RGS7: variants seen among roughly 807,000 people sequenced by gnomAD.
RGS7 encodes regulator of G protein signaling 7.
In RGS7, 27 loss-of-function variants were observed where a neutral mutation model predicts 81.1. That is an observed-to-expected ratio of 0.33 (90% CI 0.25 to 0.46). The LOEUF (loss-of-function observed/expected upper bound fraction) is 0.46. Ranked by LOEUF, RGS7 falls within the 20% of genes least tolerant of loss-of-function variation. The pLI is 1.00. For missense variants in RGS7, 396 were observed against 607.4 expected, an observed-to-expected ratio of 0.65 and a Z score of 3.66; for synonymous variants, 208 against 207.7, an observed-to-expected ratio of 1.00 and a Z score of -0.01.
chr1:240,909,127 C>T (rs1671314847), intron 6 of RGS7, among the ~76,000 whole-genome samples: 1 of 152,120 alleles, frequency 6.6e-6, no homozygotes, highest in East Asian at 1.9e-4. Context: ...TTTATTACTG[C>T]TCCTCAGTGT....
chr1:240,999,205 G>T, intron 3 of RGS7, among the ~76,000 whole-genome samples: 1 of 151,436 alleles, frequency 6.6e-6, no homozygotes, highest in African/African-American at 2.4e-5. Flanking sequence ...TATTTCCTGA[G>T]GCCTTCTAGT....
At chr1:241,253,935 GA>G (rs1266145905) in intron 2 of RGS7, among the ~76,000 whole-genome samples, 8 of 152,176 alleles carry the variant, frequency 5.3e-5, no homozygotes, top group African/African-American at 1.9e-4. Flanking sequence ...AGAAATTGAG[GA>G]GGAGAGCAGT....
At chr1:241,051,018 G>A (rs149184820) in intron 3 of RGS7, among the ~76,000 whole-genome samples, 8 of 152,194 alleles carry the variant, frequency 5.3e-5, no homozygotes, top group Non-Finnish European at 8.8e-5. Context: ...TTGTTCAAAG[G>A]TCAACTGTAA....
chr1:241,252,878 C>G (rs186752415), intron 2 of RGS7, among the ~76,000 whole-genome samples: 1 of 152,186 alleles, frequency 6.6e-6, no homozygotes, highest in Non-Finnish European at 1.5e-5. Context: ...CCCCAAAGCA[C>G]ACTGCCCCCC....
chr1:241,058,972 G>A (rs914076007), intron 3 of RGS7, among the ~76,000 whole-genome samples: 5 of 152,122 alleles, frequency 3.3e-5, no homozygotes, highest in Admixed American at 2.0e-4. Context: ...CTGAATCTCT[G>A]CTTGCCAAAG....
At position 241,354,464 on chromosome 1, in the gene RGS7, T is replaced by C. The variant is rs555983116; in HGVS notation, c.78+1235A>G. Among the ~76,000 whole-genome samples the C allele has an allele frequency of 3.9e-5, 6 of 152,350 alleles. No individual in the cohort carries two copies. The East Asian group carries it at 7.7e-4, about 20-fold the overall frequency. ...TAAATGCATTCATAGGTACACAGTATAGTACTGTTCGCCCAGGCTAGAGAA... is the reference window on the plus strand; with the variant it reads ...TAAATGCATTCATAGGTACACAGTACAGTACTGTTCGCCCAGGCTAGAGAA... On this transcript the variant is annotated intron_variant, in intron 2 of 18. Transcript: ENST00000440928.
chr1:241,032,348 A>G (rs958984119), intron 3 of RGS7, among the ~76,000 whole-genome samples: 1 of 152,166 alleles, frequency 6.6e-6, no homozygotes, highest in Non-Finnish European at 1.5e-5. Context: ...CTATTTTTAT[A>G]CCAGTACCGT....
At chr1:241,117,566 C>G (rs1253330922) in intron 2 of RGS7, among the ~76,000 whole-genome samples, 1 of 152,118 alleles carries the variant, frequency 6.6e-6, no homozygotes, top group Non-Finnish European at 1.5e-5. Flanking sequence ...GAGTGCAAAT[C>G]AGATAAACTG....
At chr1:241,035,160 A>C (rs1248500747) in intron 3 of RGS7, among the ~76,000 whole-genome samples, 1 of 152,164 alleles carries the variant, frequency 6.6e-6, no homozygotes, top group African/African-American at 2.4e-5. Context: ...CTAGAATAGC[A>C]ACATTAAGGG....
intron 3 of RGS7, among the ~76,000 whole-genome samples, chr1:241,083,801 T>C (rs1355924708): frequency 6.6e-6 from 1 of 152,234 alleles, no homozygotes; most frequent in Non-Finnish European, 1.5e-5. Flanking sequence ...TCTGACACAA[T>C]GTTTTATAAC....
chr1:240,990,531 T>C (rs910096260), intron 3 of RGS7, among the ~76,000 whole-genome samples: 1 of 152,220 alleles, frequency 6.6e-6, no homozygotes, highest in Admixed American at 6.5e-5. Context: ...TGATTTTGTG[T>C]TTTTATGAGT....
chr1:240,918,868 T>A (rs1200792390), intron 6 of RGS7, among the ~76,000 whole-genome samples: 1 of 151,810 alleles, frequency 6.6e-6, no homozygotes, highest in Non-Finnish European at 1.5e-5. Context: ...AGACACCAAT[T>A]ACTGGTATAA....
At chr1:241,064,863 C>T (rs1195770215) in intron 3 of RGS7, among the ~76,000 whole-genome samples, 2 of 152,144 alleles carry the variant, frequency 1.3e-5, no homozygotes. Context: ...GGCACACATT[C>T]TCTCCAATAG....
chr1:241,073,940 GC>G (rs2062641471), intron 3 of RGS7, among the ~76,000 whole-genome samples: 1 of 143,712 alleles, frequency 7.0e-6, no homozygotes, highest in Non-Finnish European at 1.5e-5. Context: ...TTGCTTTGTT[GC>G]CCAGGCTGGA....
intron 6 of RGS7, among the ~76,000 whole-genome samples, chr1:240,917,487 T>C (rs1249874238): frequency 5.3e-5 from 8 of 152,146 alleles, no homozygotes; most frequent in Admixed American, 5.2e-4. Context: ...AAGGAGAAAG[T>C]AGGAATACTC....
chr1:240,924,397 A>G (rs1674079754), intron 6 of RGS7, among the ~76,000 whole-genome samples: 1 of 152,162 alleles, frequency 6.6e-6, no homozygotes, highest in Non-Finnish European at 1.5e-5. Context: ...TGGAGAAAAG[A>G]CAGGCCTTCC....
intron 3 of RGS7, among the ~76,000 whole-genome samples, chr1:241,027,482 T>G (rs2059851327): frequency 6.6e-6 from 1 of 152,048 alleles, no homozygotes; most frequent in African/African-American, 2.4e-5. Context: ...GAGAATGGCT[T>G]GAGGAAGAAG....
intron 2 of RGS7, among the ~76,000 whole-genome samples, chr1:241,116,400 A>G (rs1422325711): frequency 1.3e-5 from 2 of 152,178 alleles, no homozygotes; most frequent in African/African-American, 2.4e-5. Context: ...GGTACCGTAT[A>G]TAGGTTTTTC....
intron 2 of RGS7, among the ~76,000 whole-genome samples, chr1:241,245,733 G>A (rs962779717): frequency 1.3e-5 from 2 of 151,922 alleles, no homozygotes; most frequent in African/African-American, 2.4e-5. Context: ...CTTGAATCTG[G>A]GAGGCAGAGG....
Sources: gnomAD v4.1 joint callset for allele counts (sites outside exome capture counted in the v4.1 genomes callset) on GRCh38, gnomAD v4.1.1 for gene constraint, MANE v1.5 for transcripts, NCBI Gene and HGNC (gene_info 2026-07-23, HGNC 2026-07-21) for gene names.